KLF12: variants seen among roughly 807,000 people sequenced by gnomAD.
KLF12 encodes Krueppel-like factor 12.
In KLF12, 9 loss-of-function variants were observed where a neutral mutation model predicts 37.8. The observed-to-expected ratio is 0.24, with a 90% CI of 0.14 to 0.42. KLF12 has a LOEUF of 0.42. Ranked by LOEUF, KLF12 falls within the 10% of genes least tolerant of loss-of-function variation. KLF12 has a pLI of 1.00. For missense variants in KLF12, 411 were observed against 516.0 expected (o/e 0.80, Z 1.97); for synonymous variants, 208 against 202.1 (o/e 1.03, Z -0.25).
At chr13:74,137,268 A>G (rs555033977), upstream of KLF12, among the ~76,000 whole-genome samples, 1 of 152,356 alleles carries the variant, frequency 6.6e-6, no homozygotes, top group South Asian at 2.1e-4. Flanking sequence ...ATTCAAGAGG[A>G]CCATGTAAAA....
At chr13:74,034,864 A>T (rs960516763) in intron 1 of KLF12, among the ~76,000 whole-genome samples, 5 of 152,264 alleles carry the variant, frequency 3.3e-5, no homozygotes, top group African/African-American at 1.2e-4. Flanking sequence ...CCCATCATAT[A>T]CACTGGCTTA....
chr13:74,206,990 T>C, the KLF12 span, among the ~76,000 whole-genome samples: 50 of 152,312 alleles, frequency 3.3e-4, no homozygotes, highest in African/African-American at 8.9e-4. Flanking sequence ...CAACTTATAA[T>C]GAACAGAAAT....
At chr13:73,770,011 C>T (rs974997688) in intron 5 of KLF12, among the ~76,000 whole-genome samples, 4 of 152,002 alleles carry the variant, frequency 2.6e-5, no homozygotes, top group African/African-American at 9.7e-5. Context: ...TAATCATTAA[C>T]CTATATTTTA....
At chr13:73,711,849 T>C (rs1593990839) in intron 7 of KLF12, among the ~76,000 whole-genome samples, 2 of 152,096 alleles carry the variant, frequency 1.3e-5, no homozygotes, top group Non-Finnish European at 2.9e-5. Flanking sequence ...TCCAGGCAAA[T>C]TAAATTTAAA....
chr13:73,977,105 C>T lies in KLF12; in HGVS notation c.33+17885G>A, dbSNP rs116700075. Among the ~76,000 whole-genome samples the T allele has an allele frequency of 3.2e-3, 488 of 150,888 alleles. 2 individuals are homozygous for T. The highest frequency in any genetic ancestry group is 0.012 in the African/African-American group (474 of 41,004). ...TTACTCTGTCACCCAGATTGGAGTC[C>T]GGTGGCATGATCTCGACTCACTGCA... is the stretch of plus-strand genomic sequence containing the variant. On this transcript the variant is annotated intron_variant, in intron 2 of 7. Coordinates refer to ENST00000377669, the MANE Select transcript of KLF12 (RefSeq NM_007249.5).
At chr13:74,054,898 A>G (rs1028388600) in intron 1 of KLF12, among the ~76,000 whole-genome samples, 1 of 152,238 alleles carries the variant, frequency 6.6e-6, no homozygotes, top group African/African-American at 2.4e-5. Flanking sequence ...AAGACTTAAT[A>G]CTAAAGAAAA....
chr13:73,785,118 A>ATT (rs202165551), intron 5 of KLF12, among the ~76,000 whole-genome samples: 57 of 145,946 alleles, frequency 3.9e-4, no homozygotes, highest in Non-Finnish European at 4.4e-4. Flanking sequence ...TAATTATCTA[A>ATT]TTTTTTTTTT....
intron 3 of KLF12, among the ~76,000 whole-genome samples, chr13:73,929,444 G>A (rs1398903335): frequency 6.6e-6 from 1 of 152,132 alleles, no homozygotes; most frequent in African/African-American, 2.4e-5. Flanking sequence ...CATAAATACA[G>A]AAAATTTGGC....
At chr13:73,829,852 T>C (rs9600173) in intron 4 of KLF12, among the ~76,000 whole-genome samples, 8,786 of 152,334 alleles carry the variant, frequency 0.058, 363 homozygotes, top group Non-Finnish European at 0.083. Context: ...ATTATAAATA[T>C]AGAACACAAT....
At chr13:74,292,040 A>T in the KLF12 span, among the ~76,000 whole-genome samples, 237 of 152,326 alleles carry the variant, frequency 1.6e-3, no homozygotes, top group Non-Finnish European at 2.6e-3. Flanking sequence ...TGTTAAGAGC[A>T]TGGGAAATGA....
chr13:74,260,628 T>G, the KLF12 span, among the ~76,000 whole-genome samples: 1,026 of 140,064 alleles, frequency 7.3e-3, 43 homozygotes, highest in African/African-American at 0.026. Flanking sequence ...TAAAATAAAA[T>G]AGTGAATTAA....
the KLF12 span, among the ~76,000 whole-genome samples, chr13:74,269,362 C>T: frequency 6.6e-6 from 1 of 152,090 alleles, no homozygotes; most frequent in South Asian, 2.1e-4. Flanking sequence ...ATAGAGCATA[C>T]TGAGTTCACA....
chr13:73,975,293 T>C (rs1327216256), intron 2 of KLF12, among the ~76,000 whole-genome samples: 2 of 152,218 alleles, frequency 1.3e-5, no homozygotes, highest in Admixed American at 6.5e-5. Flanking sequence ...ATCTTTAAAC[T>C]ATATGTGTTG....
the KLF12 span, among the ~76,000 whole-genome samples, chr13:74,158,442 C>T: frequency 6.6e-6 from 1 of 152,162 alleles, no homozygotes; most frequent in East Asian, 1.9e-4. Flanking sequence ...GAACAGAAGG[C>T]CACGGGGATC....
At chr13:73,798,652 CAT>C (rs1312471414) in intron 5 of KLF12, among the ~76,000 whole-genome samples, 3 of 152,108 alleles carry the variant, frequency 2.0e-5, no homozygotes, top group Non-Finnish European at 1.5e-5. Flanking sequence ...CACCAGCAAA[CAT>C]ATTGAAAAAA....
chr13:74,132,099 G>T lies in KLF12; in HGVS notation c.-32+1640C>A, dbSNP rs541658196. Among the ~76,000 whole-genome samples the T allele has an allele frequency of 5.3e-5, 8 of 152,234 alleles. No individual in the cohort carries two copies. In the East Asian group the frequency reaches 1.5e-3, roughly 29 times the overall value. On this transcript the variant is annotated intron_variant, in intron 1 of 7. Transcript: ENST00000377669. ...CACACAACATGTGAATGAGGTCTGA[G>T]AATAGCACAAGCAAGCTTTTTTCCT...
chr13:74,297,883 A>G, the KLF12 span, among the ~76,000 whole-genome samples: 1 of 152,192 alleles, frequency 6.6e-6, no homozygotes, highest in Non-Finnish European at 1.5e-5. Flanking sequence ...TGTAATGTCA[A>G]ATTATCATAG....
chr13:74,009,907 A>G (rs1012138936), intron 1 of KLF12, among the ~76,000 whole-genome samples: 1 of 152,150 alleles, frequency 6.6e-6, no homozygotes, highest in African/African-American at 2.4e-5. Flanking sequence ...AATTAAACAA[A>G]CTATAACGAA....
chr13:74,187,315 C>A, the KLF12 span, among the ~76,000 whole-genome samples: 26 of 151,672 alleles, frequency 1.7e-4, no homozygotes, highest in African/African-American at 6.0e-4. Context: ...CAGAGGGAGA[C>A]CCTGTCTCAA....
Sources: allele counts gnomAD v4.1 joint callset (sites outside exome capture counted in the v4.1 genomes callset), GRCh38; gene constraint gnomAD v4.1.1; transcripts MANE v1.5; gene names NCBI Gene and HGNC (gene_info 2026-07-23, HGNC 2026-07-21).